Variants in CERS4 observed in about 807,000 individuals in gnomAD.
CERS4 encodes LAG1 homolog, ceramide synthase 4.
Under a neutral mutation model 51.8 loss-of-function variants are expected in CERS4, and 65 were observed. The observed-to-expected ratio is 1.26, with a 90% confidence interval of 1.03 to 1.54. The LOEUF is 1.54. Among genes scored for constraint, CERS4 ranks in the 40% most tolerant of loss-of-function variants. The pLI, the probability that CERS4 is intolerant of heterozygous loss-of-function variation, is 0.00. For missense variants in CERS4, 563 were observed against 500.4 expected, an observed-to-expected ratio of 1.13 and a Z score of -1.19; for synonymous variants, 228 against 208.4, an observed-to-expected ratio of 1.09 and a Z score of -0.81.
Position 8,251,231 on chromosome 19 carries a change from T to C in CERS4, c.155T>C (p.Met52Thr), listed in dbSNP as rs754900307. Residue 52 changes from methionine to threonine, a missense_variant, in exon 3 of 12, where the codon ATG (methionine) becomes ACG (threonine). Transcript: ENST00000251363. Reference protein sequence around the residue: ...ALPLALVLLAMRLAFERFIGL... With the variant: ...ALPLALVLLATRLAFERFIGL... Reference sequence around the variant, plus strand: ...CCCCTGGCGCTGGTCCTCCTGGCCATGCGCCTTGCCTTTGAGAGGTGAGTG... The same window carrying C: ...CCCCTGGCGCTGGTCCTCCTGGCCACGCGCCTTGCCTTTGAGAGGTGAGTG... 11 of 1,606,670 alleles carry C rather than the reference T, an allele frequency of 6.8e-6. No homozygotes were observed. Among genetic ancestry groups the C allele is most frequent in the African/African-American group, 6.7e-5 (5 of 74,722 alleles).
At chr19:8,212,286 G>A (rs1004318242) in intron 2 of CERS4, among the ~76,000 whole-genome samples, 6 of 152,210 alleles carry the variant, frequency 3.9e-5, no homozygotes, top group African/African-American at 1.4e-4. Flanking sequence ...GAGTAATGGT[G>A]GGGCTGGACC....
At chr19:8,246,677 G>A (rs761636349) in intron 2 of CERS4, among the ~76,000 whole-genome samples, 6 of 151,994 alleles carry the variant, frequency 3.9e-5, no homozygotes, top group Non-Finnish European at 8.8e-5. Context: ...GTGGCCTGAG[G>A]TCAGCTGCCT....
At chr19:8,223,296 C>G (rs775554746) in intron 2 of CERS4, among the ~76,000 whole-genome samples, 1 of 151,418 alleles carries the variant, frequency 6.6e-6, no homozygotes, top group Non-Finnish European at 1.5e-5. Context: ...ATAGTGAGAC[C>G]TGGTCTCTAC....
chr19:8,258,865 G>C (rs142334426), intron 10 of CERS4, among the ~76,000 whole-genome samples: 2,872 of 148,720 alleles, frequency 0.019, 97 homozygotes, highest in African/African-American at 0.068. Context: ...CAGGTGTGAT[G>C]GCTCACGCCT....
chr19:8,258,064 C>A, intron 10 of CERS4, 79 bp downstream of exon 10: 1 of 1,140,958 alleles, frequency 8.8e-7, no homozygotes, highest in Non-Finnish European at 1.3e-6. Flanking sequence ...CATTGGTACC[C>A]TGCCCCAAGG....
At chr19:8,253,936 G>T (rs1969226541) in intron 3 of CERS4, among the ~76,000 whole-genome samples, 1 of 152,068 alleles carries the variant, frequency 6.6e-6, no homozygotes. Context: ...GGCCCCAGGG[G>T]ATGAGGCCAG....
At chr19:8,258,640 T>A (rs540150386) in intron 10 of CERS4, among the ~76,000 whole-genome samples, 1 of 152,000 alleles carries the variant, frequency 6.6e-6, no homozygotes, top group African/African-American at 2.4e-5. Context: ...GTCAGGAGTT[T>A]GACACCAGCC....
intron 2 of CERS4, among the ~76,000 whole-genome samples, chr19:8,213,494 A>G (rs565658041): frequency 6.6e-6 from 1 of 152,116 alleles, no homozygotes; most frequent in African/African-American, 2.4e-5. Flanking sequence ...ATACACATGG[A>G]CAGGGGTCTT....
At chr19:8,212,216 T>G (rs547419845) in intron 2 of CERS4, among the ~76,000 whole-genome samples, 8 of 152,168 alleles carry the variant, frequency 5.3e-5, no homozygotes, top group Non-Finnish European at 1.0e-4. Context: ...GGGAACAGAC[T>G]GCAGGGGTCG....
In CERS4 at chr19:8,257,980, C is replaced by T; in HGVS notation, c.843C>T (p.Pro281=). 1 of 1,613,312 alleles carries T rather than the reference C, an allele frequency of 6.2e-7. No homozygotes were observed. Among genetic ancestry groups the T allele is most frequent in the East Asian group, 2.2e-5 (1 of 44,880 alleles). The change falls in exon 10 of 12, where the codon CCC becomes CCT. Residue 281 remains proline, a synonymous_variant. Transcript: ENST00000251363. ...TCTACACCCGACTGGTCCTCTTTCC[C>T]ACCCAGTGAGTCAGCCCTCCCATGG... is the stretch of plus-strand genomic sequence containing the variant. ...VFFYTRLVLF[P]TQILYTTYYE...
intron 9 of CERS4, among the ~76,000 whole-genome samples, chr19:8,257,487 GCAATGGCACA>G (rs1969458989): frequency 6.6e-6 from 1 of 152,090 alleles, no homozygotes; most frequent in Non-Finnish European, 1.5e-5. Flanking sequence ...AGGCTAGAGT[GCAATGGCACA>G]CACTGCTCAC....
Position 8,261,839 on chromosome 19 carries a change from G to C in CERS4, c.1000G>C (p.Gly334Arg). Residue 334 changes from glycine to arginine, a missense_variant, in exon 11 of 12, where the codon GGC (glycine) becomes CGC (arginine). Transcript: ENST00000251363. Reference protein sequence around the residue: ...LRMLYSFMKKGQMEKDIRSDV... With the variant: ...LRMLYSFMKKRQMEKDIRSDV... ...CATGCTCTATAGCTTCATGAAGAAG[G>C]GCCAGGTATGGCTGGACCTCCCCGG... The C allele has an allele frequency of 6.2e-7, 1 of 1,614,138 alleles. No individual in the cohort carries two copies. Among genetic ancestry groups the C allele is most frequent in the East Asian group, 2.2e-5 (1 of 44,882 alleles).
At chr19:8,234,783 A>T (rs1968167213) in intron 2 of CERS4, among the ~76,000 whole-genome samples, 1 of 150,758 alleles carries the variant, frequency 6.6e-6, no homozygotes, top group South Asian at 2.1e-4. Flanking sequence ...CGAACTCCTG[A>T]CCTCAGGTGA....
chr19:8,246,959 A>G (rs1200274203), intron 2 of CERS4, among the ~76,000 whole-genome samples: 1 of 152,044 alleles, frequency 6.6e-6, no homozygotes, highest in Non-Finnish European at 1.5e-5. Context: ...TGAGGTCAGG[A>G]GTTTGAGACC....
chr19:8,256,250 G>A lies in CERS4; in HGVS notation c.483G>A (p.Trp161Ter), dbSNP rs1361729069. The A allele has an allele frequency of 1.2e-6, 2 of 1,612,944 alleles. No individual in the cohort carries two copies. Among genetic ancestry groups the A allele is most frequent in the Non-Finnish European group, 1.7e-6 (2 of 1,179,652 alleles). Residue 161 changes from tryptophan (W) to a stop codon, truncating the protein, a stop_gained, in exon 7 of 12, where the codon TGG (tryptophan) becomes TGA (stop). Coordinates refer to ENST00000251363, the MANE Select transcript of CERS4 (RefSeq NM_024552.3). LOFTEE classifies it high-confidence loss of function. ...LSVLYHESWLWAPVMCWDRYP... is the reference protein window; with the variant it reads ...LSVLYHESWL ...TTTCCCTGCAGGAGTCATGGCTGTG[G>A]GCACCAGTAATGTGCTGGGACAGGT...
chr19:8,247,496 T>A (rs1308753340), intron 2 of CERS4, among the ~76,000 whole-genome samples: 2 of 152,162 alleles, frequency 1.3e-5, no homozygotes, highest in South Asian at 2.1e-4. Context: ...CGTAGCTCCC[T>A]GCAGCCTCAA....
chr19:8,255,168 C>T (rs1409413711), intron 4 of CERS4, among the ~76,000 whole-genome samples: 2 of 152,062 alleles, frequency 1.3e-5, no homozygotes, highest in Non-Finnish European at 2.9e-5. Context: ...AGACCACATA[C>T]CCTAGAGGCG....
Position 8,262,042 on chromosome 19 carries a change from C to G in CERS4, c.1118C>G (p.Ala373Gly). ...GGGGCAGCTGGAGGGCCCAGGCCAGCCCCCACTGATGGCCCTCGGAGCCGG... is the reference window on the plus strand; with the variant it reads ...GGGGCAGCTGGAGGGCCCAGGCCAGGCCCCACTGATGGCCCTCGGAGCCGG... The part of the protein sequence containing the change: ...KNGAAGGPRP[A>G]PTDGPRSRVA... Residue 373 changes from alanine to glycine, a missense_variant, in exon 12 of 12, where the codon GCC (alanine) becomes GGC (glycine). By Grantham distance (60) the Ala-to-Gly change is moderately conservative (BLOSUM62 0). Transcript: ENST00000251363. 1 of 1,552,526 alleles carries G rather than the reference C, an allele frequency of 6.4e-7. No individual in the cohort carries two copies. Among genetic ancestry groups the G allele is most frequent in the Non-Finnish European group, 8.7e-7 (1 of 1,153,032 alleles).
At chr19:8,255,114 C>T (rs1969308390) in intron 4 of CERS4, among the ~76,000 whole-genome samples, 1 of 152,104 alleles carries the variant, frequency 6.6e-6, no homozygotes, top group Admixed American at 6.6e-5. Context: ...AGGGTCTGTG[C>T]TGTGGAGGCG....
Sources: allele counts gnomAD v4.1 joint callset (sites outside exome capture counted in the v4.1 genomes callset), GRCh38; gene constraint gnomAD v4.1.1; transcripts MANE v1.5; gene names NCBI Gene and HGNC (gene_info 2026-07-23, HGNC 2026-07-21).